ENO3: variants seen among roughly 807,000 people sequenced by gnomAD.
ENO3 encodes beta-enolase.
ENO3 carries 46 observed loss-of-function variants against 47.7 expected under a neutral mutation model. The observed-to-expected ratio is 0.96, with a 90% CI of 0.76 to 1.23. ENO3 has a LOEUF of 1.23. ENO3 is among the 50% of genes most tolerant of loss of function. The probability of loss-of-function intolerance (pLI) is 0.00; values close to 1 mark genes in which losing one functional copy is unlikely to be tolerated. For missense variants in ENO3, 575 were observed against 566.2 expected (o/e 1.02, Z -0.16); for synonymous variants, 223 against 225.9 (o/e 0.99, Z 0.11).
At chr17:4,956,936 T>G in intron 11 of ENO3, 42 bp from the exon 12 acceptor site, 1 of 1,614,126 alleles carries the variant, frequency 6.2e-7, no homozygotes, top group Non-Finnish European at 8.5e-7. Context: ...TGGAGGCTGT[T>G]AGGTTGGAAG....
intron 6 of ENO3, chr17:4,954,060 A>C: frequency 1.4e-6 from 1 of 715,406 alleles, no homozygotes; most frequent in South Asian, 1.8e-5. Context: ...CTGCCATATA[A>C]CCCAGTTCCT....
Position 4,955,116 on chromosome 17 carries a change from G to C in ENO3, c.486G>C (p.Lys162Asn). Residue 162 changes from lysine (K) to asparagine (N), a missense_variant, in exon 7 of 12, where the codon AAG (lysine) becomes AAC (asparagine). Physicochemically the swap from Lys to Asn is moderately conservative, Grantham distance 94. Transcript: ENST00000519602. ...ACGGGGGCTCCCATGCTGGAAACAA[G>C]CTGGCCATGCAGGAGTTCATGATTC... ...VINGGSHAGN[K>N]LAMQEFMILP... 6.2e-7 allele frequency: 1 copy of C among 1,611,984 alleles called. No homozygotes were observed. The highest frequency in any genetic ancestry group is 8.5e-7 in the Non-Finnish European group (1 of 1,178,660).
chr17:4,952,855 T>A lies in ENO3; in HGVS notation c.146T>A (p.Leu49Gln). The A allele has an allele frequency of 6.2e-7, 1 of 1,612,720 alleles. No individual in the cohort carries two copies. Among genetic ancestry groups the A allele is most frequent in the Non-Finnish European group, 8.5e-7 (1 of 1,179,304 alleles). Residue 49 changes from leucine (L) to glutamine (Q), a missense_variant, in exon 3 of 12, where the codon CTA becomes CAA. Transcript: ENST00000519602. The part of the protein sequence containing the change: ...ASTGIYEALE[L>Q]RDGDKGRYLG... ...ACGGGTATCTATGAGGCTCTGGAAC[T>A]AAGAGACGGAGACAAAGGCCGCTAC...
At chr17:4,954,997 C>G in intron 6 of ENO3, 78 bp from the exon 7 acceptor site, 5 of 1,375,452 alleles carry the variant, frequency 3.6e-6, no homozygotes, top group Non-Finnish European at 5.0e-6. Context: ...CAGGTTTCCA[C>G]CCCAACACCC....
At chr17:4,949,871 C>G (rs986228051), upstream of ENO3, among the ~76,000 whole-genome samples, 1 of 152,116 alleles carries the variant, frequency 6.6e-6, no homozygotes, top group Non-Finnish European at 1.5e-5. Context: ...CTGGCGGGCT[C>G]GGGCGGGGCC....
chr17:4,956,939 G>A, intron 11 of ENO3, 39 bp from the exon 12 acceptor site: 7 of 1,614,252 alleles, frequency 4.3e-6, no homozygotes, highest in Non-Finnish European at 5.9e-6. Flanking sequence ...AGGCTGTTAG[G>A]TTGGAAGTTC....
chr17:4,951,093 AT>A (rs1971527683), upstream of ENO3: 1 of 986,446 alleles, frequency 1.0e-6, no homozygotes, highest in African/African-American at 1.7e-5. Flanking sequence ...TCAGGGATAA[AT>A]GCGCAGCCTG....
chr17:4,952,474 G>C, intron 2 of ENO3: 1 of 366,554 alleles, frequency 2.7e-6, no homozygotes, highest in South Asian at 2.2e-5. Flanking sequence ...CTCCCGAGTA[G>C]CTGGGACTAC....
chr17:4,954,061 C>G lies in ENO3; in HGVS notation c.444+216C>G. The stretch of plus-strand genomic sequence containing the variant: ...ATGTGCTTCCTTCCCTGCCATATAA[C>G]CCAGTTCCTTCCCATTCCAATCCTA... On this transcript the variant is annotated intron_variant, in intron 6 of 11. Transcript: ENST00000519602. The G allele has an allele frequency of 2.8e-6, 2 of 713,412 alleles. 1 individual carries two copies. Among genetic ancestry groups the G allele is most frequent in the South Asian group, 3.6e-5 (2 of 55,974 alleles). The allele number at this position is 713,412 out of a possible 1,614,324, so 44.2% of individuals were successfully genotyped here.
At position 4,951,865 on chromosome 17, in the gene ENO3, G is replaced by C; in HGVS notation, c.36G>C (p.Leu12Phe). ...AGAAAATCTTTGCCCGGGAAATCTT[G>C]GACTCCAGGGGCAACCCCACGGTGG... The part of the protein sequence containing the change: ...AMQKIFAREI[L>F]DSRGNPTVEV... The change falls in exon 2 of 12, where the codon TTG (leucine) becomes TTC (phenylalanine). Residue 12 changes from leucine to phenylalanine, a missense_variant. Leu to Phe is a conservative substitution (Grantham distance 22). Transcript: ENST00000519602. 6.2e-7 allele frequency: 1 copy of C among 1,614,144 alleles called. No individual in the cohort carries two copies. Among genetic ancestry groups the C allele is most frequent in the Non-Finnish European group, 8.5e-7 (1 of 1,180,016 alleles).
At position 4,951,921 on chromosome 17, in the gene ENO3, C is replaced by A; in HGVS notation, c.85+7C>A. On this transcript the variant is annotated splice_region_variant and intron_variant, in intron 2 of 11. Coordinates refer to ENST00000519602, the MANE Select transcript of ENO3 (RefSeq NM_053013.4). ...GACCTGCACACGGCCAAGGGTAACA[C>A]AAGGCCCATTGGATAGGCTCGCCTC... 6.2e-7 allele frequency: 1 copy of A among 1,614,124 alleles called. No individual in the cohort carries two copies. Among genetic ancestry groups the A allele is most frequent in the Non-Finnish European group, 8.5e-7 (1 of 1,179,964 alleles).
rs1971681422 is a variant in ENO3 at position 4,955,213 on chromosome 17, G to T, written c.583G>T (p.Val195Phe). 1.2e-6 allele frequency: 2 copies of T among 1,614,166 alleles called. No homozygotes were observed. The highest frequency in any genetic ancestry group is 8.5e-7 in the Non-Finnish European group (1 of 1,180,058). Residue 195 changes from valine to phenylalanine, a missense_variant, in exon 7 of 12, where the codon GTC becomes TTC. Coordinates refer to ENST00000519602, the MANE Select transcript of ENO3 (RefSeq NM_053013.4). Reference sequence around the variant, plus strand: ...CGAGGTCTACCACCACCTCAAGGGGGTCATCAAGGCCAAGTATGGGAAGGA... The same window carrying T: ...CGAGGTCTACCACCACCTCAAGGGGTTCATCAAGGCCAAGTATGGGAAGGA... ...GAEVYHHLKG[V>F]IKAKYGKDAT...
Position 4,953,716 on chromosome 17 carries a change from G to C in ENO3, c.315G>C (p.Lys105Asn). ...TTCCCGCTTGCCTCCTTCCAGCCAA[G>C]TTTGGGGCCAATGCCATCCTGGGCG... ...IELDGTENKS[K>N]FGANAILGVS... Residue 105 changes from lysine (K) to asparagine (N), a missense_variant, in exon 6 of 12, where the codon AAG (lysine) becomes AAC (asparagine). Physicochemically the swap from Lys to Asn is moderately conservative, Grantham distance 94 (BLOSUM62 0). Transcript: ENST00000519602. The C allele has an allele frequency of 1.2e-6, 2 of 1,614,228 alleles. No individual in the cohort carries two copies. Among genetic ancestry groups the C allele is most frequent in the South Asian group, 2.2e-5 (2 of 91,082 alleles).
chr17:4,952,984 G>T, intron 3 of ENO3, 67 bp from the exon 4 acceptor site: 1 of 1,611,900 alleles, frequency 6.2e-7, no homozygotes, highest in Non-Finnish European at 8.5e-7. Context: ...AGGCTCTTGA[G>T]GAGCTGGGGT....
At chr17:4,949,609 G>A (rs1443341167), upstream of ENO3, among the ~76,000 whole-genome samples, 4 of 152,100 alleles carry the variant, frequency 2.6e-5, no homozygotes, top group Non-Finnish European at 5.9e-5. Context: ...AGCCACCTGG[G>A]GAGGGCGGGA....
chr17:4,953,261 C>T lies in ENO3; in HGVS notation c.241-11C>T, dbSNP rs769465776. The T allele has an allele frequency of 9.9e-6, 16 of 1,614,112 alleles. No individual in the cohort carries two copies. The highest frequency in any genetic ancestry group is 1.3e-5 in the African/African-American group (1 of 74,938). ...GACCTCTGCTCTCCCTTCTCAAACT[C>T]ACCCTTCCAGAAACTAAGCGTTGTG... is the stretch of plus-strand genomic sequence containing the variant. On this transcript the variant is annotated splice_polypyrimidine_tract_variant and intron_variant, in intron 4 of 11. Transcript: ENST00000519602.
At chr17:4,948,710 G>T (rs921952238), upstream of ENO3, 2 of 363,580 alleles carry the variant, frequency 5.5e-6, no homozygotes, top group Non-Finnish European at 1.0e-5. Flanking sequence ...TGCAAAATTT[G>T]CAGAGTTCGA....
In ENO3 at chr17:4,956,563, C is replaced by G; in HGVS notation, c.1068-10C>G. 6 of 1,614,116 alleles carry G rather than the reference C, an allele frequency of 3.7e-6. No homozygotes were observed. The highest frequency in any genetic ancestry group is 5.1e-6 in the Non-Finnish European group (6 of 1,179,952). ...TCTAGAAGGCCACATCAAATGTCCTCTCCACTCAGGTGCAAACTGGCTCAG... is the reference window on the plus strand; with the variant it reads ...TCTAGAAGGCCACATCAAATGTCCTGTCCACTCAGGTGCAAACTGGCTCAG... On this transcript the variant is annotated splice_polypyrimidine_tract_variant and intron_variant, in intron 9 of 11. Transcript: ENST00000519602.
At chr17:4,950,587 G>C, upstream of ENO3, 2 of 985,530 alleles carry the variant, frequency 2.0e-6, no homozygotes, top group Non-Finnish European at 2.4e-6. Flanking sequence ...GGAGAGGGTA[G>C]GATGGGGCGG....
Sources: gnomAD v4.1 joint callset for allele counts (sites outside exome capture counted in the v4.1 genomes callset) on GRCh38, gnomAD v4.1.1 for gene constraint, MANE v1.5 for transcripts, NCBI Gene and HGNC (gene_info 2026-07-23, HGNC 2026-07-21) for gene names.